Variants in TMEM131L observed in about 807,000 individuals in gnomAD.
The protein encoded by TMEM131L is transmembrane protein 131-like.
A neutral mutation model predicts 192.2 loss-of-function variants in TMEM131L; 54 were observed. That is an observed-to-expected ratio of 0.28 (90% CI 0.23 to 0.35). The LOEUF is 0.35. Ranked by LOEUF, TMEM131L falls within the 10% of genes least tolerant of loss-of-function variation. The pLI is 1.00. For synonymous variants in TMEM131L, 701 were observed against 704.9 expected (o/e 0.99, Z 0.09); for missense variants, 1,888 against 1,972.9 (o/e 0.96, Z 0.82).
chr4:153,499,391 T>TC (rs1697111463), intron 3 of TMEM131L, among the ~76,000 whole-genome samples: 1 of 152,038 alleles, frequency 6.6e-6, no homozygotes. Flanking sequence ...TTGACAGGAG[T>TC]CTTCCACTTT....
At chr4:153,612,066 C>T (rs1273686858) in intron 25 of TMEM131L, among the ~76,000 whole-genome samples, 186 bp from the exon 26 acceptor site, 1 of 152,014 alleles carries the variant, frequency 6.6e-6, no homozygotes, top group Non-Finnish European at 1.5e-5. Flanking sequence ...TTTTGTAGAA[C>T]TCTTAATATA....
intron 31 of TMEM131L, among the ~76,000 whole-genome samples, chr4:153,630,964 A>T (rs1053518309): frequency 6.6e-6 from 1 of 152,230 alleles, no homozygotes; most frequent in African/African-American, 2.4e-5. Flanking sequence ...AGTGTCTTCA[A>T]TCTGCCCATC....
chr4:153,483,369 G>C (rs73854693), intron 3 of TMEM131L, among the ~76,000 whole-genome samples: 201 of 152,218 alleles, frequency 1.3e-3, no homozygotes, highest in African/African-American at 4.5e-3. Flanking sequence ...TAAGATGTGC[G>C]TTCTGAAGAA....
rs545646784 is a variant in TMEM131L at position 153,580,952 on chromosome 4, T to C, written c.738+49T>C. 24 of 1,330,638 alleles carry C rather than the reference T, an allele frequency of 1.8e-5. No individual in the cohort carries two copies. The African/African-American group carries it at 3.2e-4, about 18-fold the overall frequency. 82.4% of individuals were successfully genotyped at this position (1,330,638 alleles called of 1,614,324 possible). On this transcript the variant is annotated intron_variant, in intron 8 of 34. Transcript: ENST00000409959. The stretch of plus-strand genomic sequence containing the variant: ...TCTCTCTGCTTTCCTCCTGCCTCTT[T>C]GCTTAAAAATAAAACACAAGGCTGG...
Position 153,466,380 on chromosome 4 carries a change from A to C in TMEM131L, c.-18A>C. On this transcript the variant is annotated 5_prime_UTR_variant, in exon 1 of 35. Coordinates refer to ENST00000409959, the MANE Select transcript of TMEM131L (RefSeq NM_001131007.2). ...GCGGCGAGCGCGGCGAGCAACGGAG[A>C]GGAGCGCGAGCAGCAGCATGGCGGG... 7.8e-7 allele frequency: 1 copy of C among 1,288,494 alleles called. No individual in the cohort carries two copies. The highest frequency in any genetic ancestry group is 9.9e-7 in the Non-Finnish European group (1 of 1,014,650). 79.8% of individuals were successfully genotyped at this position (1,288,494 alleles called of 1,614,324 possible).
rs148556115 is a variant in TMEM131L, at chr4:153,622,996, C to T, written c.3958C>T (p.Arg1320Trp). 3.2e-4 allele frequency: 509 copies of T among 1,614,028 alleles called. No individual in the cohort carries two copies. Among genetic ancestry groups the T allele is most frequent in the Non-Finnish European group, 4.0e-4 (475 of 1,180,000 alleles). Residue 1320 changes from arginine (R) to tryptophan (W), a missense_variant, in exon 29 of 35, where the codon CGG (arginine) becomes TGG (tryptophan). By Grantham distance (101) the Arg-to-Trp change is moderately radical (BLOSUM62 -3). Coordinates refer to ENST00000409959, the MANE Select transcript of TMEM131L (RefSeq NM_001131007.2). Reference protein sequence around the residue: ...GSSSGSVRASRGSWGSWSSTS... With the variant: ...GSSSGSVRASWGSWGSWSSTS... ...CTCCTCTGGCAGCGTGCGTGCCAGC[C>T]GGGGCAGCTGGGGGAGCTGGAGCAG...
chr4:153,524,752 T>A (rs1735355492), intron 3 of TMEM131L, among the ~76,000 whole-genome samples: 1 of 152,256 alleles, frequency 6.6e-6, no homozygotes, highest in South Asian at 2.1e-4. Context: ...CTATTAAGGT[T>A]ACTTCCAACA....
intron 3 of TMEM131L, among the ~76,000 whole-genome samples, chr4:153,540,136 A>C (rs1463386666): frequency 6.6e-6 from 1 of 151,556 alleles, no homozygotes; most frequent in Admixed American, 6.6e-5. Context: ...AAAAACAAAA[A>C]AAAAAACCCC....
At chr4:153,474,041 A>G (rs1731353678) in intron 3 of TMEM131L, among the ~76,000 whole-genome samples, 153 bp downstream of exon 3, 1 of 152,142 alleles carries the variant, frequency 6.6e-6, no homozygotes, top group Non-Finnish European at 1.5e-5. Context: ...ATACCTTCTA[A>G]TACATTAATA....
At chr4:153,473,066 A>G (rs922539284) in intron 2 of TMEM131L, among the ~76,000 whole-genome samples, 4 of 152,208 alleles carry the variant, frequency 2.6e-5, no homozygotes, top group African/African-American at 7.2e-5. Flanking sequence ...ATTGGAGCCC[A>G]GGTGCTTGCC....
chr4:153,584,944 C>T lies in TMEM131L; in HGVS notation c.1157+13C>T, dbSNP rs1343721058. 4 of 1,571,602 alleles carry T rather than the reference C, an allele frequency of 2.5e-6. No homozygotes were observed. The highest frequency in any genetic ancestry group is 1.4e-5 in the African/African-American group (1 of 74,026). On this transcript the variant is annotated intron_variant, in intron 12 of 34. Coordinates refer to ENST00000409959, the MANE Select transcript of TMEM131L (RefSeq NM_001131007.2). ...CTGTGGCTCAGGGGTAGGTTACTTC[C>T]ACTTTCCCTGAAATCTTGTATGGTT...
intron 2 of TMEM131L, among the ~76,000 whole-genome samples, chr4:153,471,789 G>A (rs1731178905): frequency 6.6e-6 from 1 of 152,316 alleles, no homozygotes; most frequent in African/African-American, 2.4e-5. Context: ...TGTTCATTTA[G>A]CAAAGATGGA....
Position 153,555,714 on chromosome 4 carries a change from T to G in TMEM131L, c.309-73T>G. 8.0e-7 allele frequency: 1 copy of G among 1,246,494 alleles called. No individual in the cohort carries two copies. Among genetic ancestry groups the G allele is most frequent in the South Asian group, 1.5e-5 (1 of 65,394 alleles). 77.2% of individuals were successfully genotyped at this position (1,246,494 alleles called of 1,614,324 possible). A position where few individuals can be genotyped will look rare whatever the true frequency, so the allele number is the denominator to read the frequency against. On this transcript the variant is annotated intron_variant, in intron 4 of 34. Transcript: ENST00000409959. This position sits in a 1 kb window ranked among gnomAD's most constrained non-coding sequence, Gnocchi z 4.1. ...TAAAAATCTGTGTGTATATATATAATAATACATATATATGTATGGTAATAT... is the reference window on the plus strand; with the variant it reads ...TAAAAATCTGTGTGTATATATATAAGAATACATATATATGTATGGTAATAT...
intron 28 of TMEM131L, among the ~76,000 whole-genome samples, 166 bp downstream of exon 28, chr4:153,622,015 A>G (rs970043831): frequency 6.6e-6 from 1 of 152,182 alleles, no homozygotes; most frequent in African/African-American, 2.4e-5. Context: ...CCAGAAAACT[A>G]AGATTTGGTT....
At chr4:153,544,302 A>G (rs756569404) in intron 3 of TMEM131L, among the ~76,000 whole-genome samples, 4 of 151,900 alleles carry the variant, frequency 2.6e-5, no homozygotes, top group Admixed American at 6.5e-5. Flanking sequence ...ACTTGTTCGA[A>G]AGGACAGGCC....
intron 3 of TMEM131L, among the ~76,000 whole-genome samples, chr4:153,530,918 C>T (rs1394169800): frequency 6.6e-6 from 1 of 152,152 alleles, no homozygotes; most frequent in Non-Finnish European, 1.5e-5. Flanking sequence ...GAGCCTGCTC[C>T]CTTGAACTCT....
intron 7 of TMEM131L, among the ~76,000 whole-genome samples, chr4:153,569,981 G>A (rs901841801): frequency 1.3e-5 from 2 of 152,144 alleles, no homozygotes; most frequent in East Asian, 3.8e-4. Context: ...CAAAGAATTT[G>A]AAGTCCTCTT....
At chr4:153,626,958 A>T (rs1299709894) in intron 30 of TMEM131L, among the ~76,000 whole-genome samples, 1 of 152,240 alleles carries the variant, frequency 6.6e-6, no homozygotes, top group African/African-American at 2.4e-5. Context: ...CAAAATAAAC[A>T]AGTACAATTT....
At chr4:153,503,989 T>TG (rs1332897534) in intron 3 of TMEM131L, among the ~76,000 whole-genome samples, 8 of 152,188 alleles carry the variant, frequency 5.3e-5, no homozygotes, top group African/African-American at 1.7e-4. Flanking sequence ...TTTTTGGAGA[T>TG]GGAGTCTTGC....
Sources: gnomAD v4.1 joint callset for allele counts (sites outside exome capture counted in the v4.1 genomes callset) on GRCh38, gnomAD v4.1.1 for gene constraint, Gnocchi (gnomAD v3.1) non-coding constraint, MANE v1.5 for transcripts, NCBI Gene and HGNC (gene_info 2026-07-23, HGNC 2026-07-21) for gene names.